TPTE2: variants seen among roughly 807,000 people sequenced by gnomAD.
TPTE2 encodes phosphatidylinositol 3,4,5-trisphosphate 3-phosphatase TPTE2.
In TPTE2, 53 loss-of-function variants were observed where a neutral mutation model predicts 78.6. The ratio of observed to expected loss-of-function variants is 0.67; its 90% CI spans 0.54 to 0.85. The LOEUF is 0.85. Ranked by LOEUF, TPTE2 falls within the 40% of genes least tolerant of loss-of-function variation. TPTE2 has a pLI of 0.00. For synonymous variants in TPTE2, 175 were observed against 206.2 expected, an observed-to-expected ratio of 0.85 and a Z score of 1.30; for missense variants, 461 against 623.0, an observed-to-expected ratio of 0.74 and a Z score of 2.77.
At chr13:19,537,836 C>T (rs944235584), upstream of TPTE2, among the ~76,000 whole-genome samples, 4 of 151,942 alleles carry the variant, frequency 2.6e-5, no homozygotes, top group Admixed American at 6.6e-5. Flanking sequence ...AACTCCTGAC[C>T]TCAGGTGATC....
intron 1 of TPTE2, among the ~76,000 whole-genome samples, chr13:19,511,397 A>G (rs1000269193): frequency 2.0e-5 from 3 of 152,252 alleles, no homozygotes; most frequent in Non-Finnish European, 4.4e-5. Flanking sequence ...TAGTTTACAG[A>G]ACACATATAA....
At chr13:19,452,234 A>T (rs1216285510) in intron 10 of TPTE2, among the ~76,000 whole-genome samples, 1 of 152,142 alleles carries the variant, frequency 6.6e-6, no homozygotes, top group Non-Finnish European at 1.5e-5. Context: ...CGGGTTTAGA[A>T]ATCACATATA....
chr13:19,521,286 A>T (rs1870132068), intron 1 of TPTE2, among the ~76,000 whole-genome samples: 1 of 151,604 alleles, frequency 6.6e-6, no homozygotes, highest in African/African-American at 2.4e-5. Flanking sequence ...TATGTTTTTG[A>T]TGGATTGATC....
At chr13:19,470,542 T>G (rs1879545046) in intron 6 of TPTE2, among the ~76,000 whole-genome samples, 1 of 152,206 alleles carries the variant, frequency 6.6e-6, no homozygotes, top group African/African-American at 2.4e-5. Flanking sequence ...TTTATTTTTT[T>G]TGAGACTGAG....
intron 1 of TPTE2, among the ~76,000 whole-genome samples, chr13:19,526,587 G>T (rs189380637): frequency 1.2e-4 from 19 of 152,268 alleles, no homozygotes; most frequent in Middle Eastern, 3.4e-3. Flanking sequence ...CTGGAGGATG[G>T]TGAGTATCAA....
the TPTE2 span, among the ~76,000 whole-genome samples, chr13:19,551,647 G>A: frequency 4.4e-3 from 665 of 152,120 alleles, 2 homozygotes; most frequent in Non-Finnish European, 7.4e-3. Flanking sequence ...GAATCTGTAA[G>A]TCTCTAAAGT....
In TPTE2 at chr13:19,465,582, A is replaced by G. The variant is rs115288312; in HGVS notation, c.513-18T>C. 2.5e-6 allele frequency: 4 copies of G among 1,568,710 alleles called. No individual in the cohort carries two copies. Among genetic ancestry groups the G allele is most frequent in the African/African-American group, 2.8e-5 (2 of 72,416 alleles). On this transcript the variant is annotated intron_variant, in intron 7 of 19. Coordinates refer to ENST00000400230, the Ensembl canonical transcript of TPTE2. Reference sequence around the variant, plus strand: ...GTGTCCATCTAACAATAAATTTAAAAGATCCATTTTTGCTTCAGAAACAGA... The same window carrying G: ...GTGTCCATCTAACAATAAATTTAAAGGATCCATTTTTGCTTCAGAAACAGA...
intron 10 of TPTE2, among the ~76,000 whole-genome samples, chr13:19,462,349 G>C (rs1878976368): frequency 6.6e-6 from 1 of 151,892 alleles, no homozygotes; most frequent in Non-Finnish European, 1.5e-5. Context: ...CTCATTTCTA[G>C]GGGATAGCTC....
At chr13:19,561,223 T>G in the TPTE2 span, 6 of 1,395,138 alleles carry the variant, frequency 4.3e-6, no homozygotes, top group Admixed American at 9.9e-5. Flanking sequence ...TCTGCCATGA[T>G]GTAGTGGCTC....
the TPTE2 span, chr13:19,560,467 A>C: frequency 1.9e-6 from 3 of 1,602,904 alleles, no homozygotes; most frequent in East Asian, 6.7e-5. Flanking sequence ...GCGCTGGGCC[A>C]CACCCGGCAC....
At chr13:19,554,285 G>A in the TPTE2 span, among the ~76,000 whole-genome samples, 1 of 152,046 alleles carries the variant, frequency 6.6e-6, no homozygotes, top group Non-Finnish European at 1.5e-5. Context: ...TGAGGCAGGA[G>A]AATGGCATGA....
intron 13 of TPTE2, among the ~76,000 whole-genome samples, chr13:19,441,233 C>T (rs980283653): frequency 6.6e-6 from 1 of 152,088 alleles, no homozygotes; most frequent in African/African-American, 2.4e-5. Context: ...TCATGGATAT[C>T]AAGGTGGCAA....
chr13:19,538,349 T>C (rs1342331868), upstream of TPTE2, among the ~76,000 whole-genome samples: 2 of 151,284 alleles, frequency 1.3e-5, no homozygotes, highest in East Asian at 2.0e-4. Context: ...GCCTCCTGAG[T>C]AGCTGGGACT....
the TPTE2 span, among the ~76,000 whole-genome samples, chr13:19,556,987 C>T: frequency 1.3e-5 from 2 of 152,182 alleles, no homozygotes; most frequent in Non-Finnish European, 2.9e-5. Flanking sequence ...CCAGAGAAAA[C>T]ACTACAAGTC....
chr13:19,423,291 T>A, intron 19 of TPTE2, 127 bp from the exon 23 acceptor site: 1 of 616,342 alleles, frequency 1.6e-6, no homozygotes, highest in South Asian at 2.8e-5. Flanking sequence ...CCAGACCCTT[T>A]TTTGCATTTC....
At chr13:19,517,701 C>T (rs1566074374) in intron 1 of TPTE2, among the ~76,000 whole-genome samples, 2 of 152,136 alleles carry the variant, frequency 1.3e-5, no homozygotes, top group Non-Finnish European at 2.9e-5. Flanking sequence ...GTAATAAGAA[C>T]TCTGCGTCCA....
chr13:19,536,718 C>T (rs1022457392), exon 1 of TPTE2: 21 of 152,010 alleles, frequency 1.4e-4, no homozygotes, highest in Admixed American at 9.2e-4. Context: ...ATCAGTTCTC[C>T]AGGTCTTGGG....
intron 11 of TPTE2, among the ~76,000 whole-genome samples, chr13:19,450,725 A>G (rs1878122894): frequency 6.6e-6 from 1 of 152,202 alleles, no homozygotes; most frequent in Non-Finnish European, 1.5e-5. Context: ...GAGACAGGGT[A>G]TTAAACTGGG....
chr13:19,560,049 C>A, the TPTE2 span: 1 of 552,992 alleles, frequency 1.8e-6, no homozygotes, highest in East Asian at 3.0e-5. Flanking sequence ...CCAAGAACAG[C>A]TTGTGCATGG....
Sources: gnomAD v4.1 joint callset for allele counts (sites outside exome capture counted in the v4.1 genomes callset) on GRCh38, gnomAD v4.1.1 for gene constraint, MANE v1.5 for transcripts, NCBI Gene and HGNC (gene_info 2026-07-23, HGNC 2026-07-21) for gene names.